The following PNPT1 variants were observed in gnomAD, a reference collection of about 807,000 sequenced individuals.
The protein encoded by PNPT1 is polyribonucleotide nucleotidyltransferase 1, mitochondrial.
PNPT1 carries 53 observed loss-of-function variants against 119.5 expected under a neutral mutation model. The observed-to-expected ratio is 0.44, with a 90% CI of 0.36 to 0.56. The LOEUF is 0.56. PNPT1 is among the 20% of genes least tolerant of loss of function. The probability of loss-of-function intolerance (pLI) is 0.00; values close to 1 mark genes in which losing one functional copy is unlikely to be tolerated. For missense variants in PNPT1, 948 were observed against 938.5 expected, an observed-to-expected ratio of 1.01 and a Z score of -0.13; for synonymous variants, 357 against 322.1, an observed-to-expected ratio of 1.11 and a Z score of -1.16.
intron 11 of PNPT1, among the ~76,000 whole-genome samples, chr2:55,670,368 AGT>A (rs763805092): frequency 1.1e-4 from 16 of 151,838 alleles, no homozygotes; most frequent in Non-Finnish European, 2.2e-4. Context: ...TTGTATTTTT[AGT>A]AGAGACAGGG....
At chr2:55,662,761 T>C (rs1696617089) in intron 13 of PNPT1, among the ~76,000 whole-genome samples, 1 of 152,094 alleles carries the variant, frequency 6.6e-6, no homozygotes, top group Admixed American at 6.6e-5. Flanking sequence ...AATGTATCAT[T>C]CACAACATCC....
At chr2:55,647,998 A>G (rs1219554587) in intron 18 of PNPT1, among the ~76,000 whole-genome samples, 2 of 152,200 alleles carry the variant, frequency 1.3e-5, no homozygotes, top group African/African-American at 4.8e-5. Flanking sequence ...AACAATAGCA[A>G]ACTTTATAAC....
rs909523712 is a variant in PNPT1 at position 55,639,245 on chromosome 2, C to A, written c.2148+1382G>T. On this transcript the variant is annotated intron_variant, in intron 26 of 27. Transcript: ENST00000447944. ...ATATATGAGGGTTTAGTGTATCATT[C>A]TTTCAACTTCTTTGTACATTAAAAA... Among the ~76,000 whole-genome samples the A allele has an allele frequency of 2.0e-5, 3 of 152,136 alleles. No homozygotes were observed. In the East Asian group the frequency reaches 5.8e-4, roughly 29 times the overall value.
intron 7 of PNPT1, 21 bp downstream of exon 7, chr2:55,680,691 T>C (rs1437476458): frequency 1.2e-6 from 2 of 1,602,546 alleles, no homozygotes; most frequent in African/African-American, 2.7e-5. Context: ...TATGATTTCT[T>C]ACTTTTAAAT....
chr2:55,679,588 C>T, intron 8 of PNPT1, 94 bp downstream of exon 8: 6 of 869,274 alleles, frequency 6.9e-6, no homozygotes, highest in Middle Eastern at 3.3e-4. Flanking sequence ...TTTATGGCTA[C>T]CGACAAAACA....
At chr2:55,647,325 T>C (rs1696034487) in intron 19 of PNPT1, 22 bp downstream of exon 19, 2 of 1,526,122 alleles carry the variant, frequency 1.3e-6, no homozygotes, top group Non-Finnish European at 1.8e-6. Flanking sequence ...TATTAAATAT[T>C]TGAAACCGAG....
At chr2:55,647,889 G>C (rs920893680) in intron 18 of PNPT1, among the ~76,000 whole-genome samples, 1 of 152,192 alleles carries the variant, frequency 6.6e-6, no homozygotes, top group Non-Finnish European at 1.5e-5. Flanking sequence ...TGAGTTGGAA[G>C]TCTTAAGAGG....
intron 8 of PNPT1, among the ~76,000 whole-genome samples, chr2:55,678,845 T>G (rs936673720): frequency 1.3e-5 from 2 of 152,210 alleles, no homozygotes; most frequent in African/African-American, 4.8e-5. Flanking sequence ...CATCACTGGC[T>G]AACAAACCAG....
At position 55,636,253 on chromosome 2, in the gene PNPT1, G is replaced by A. The variant is rs201880461; in HGVS notation, c.2336C>T (p.Ser779Leu). 1.1e-4 allele frequency: 174 copies of A among 1,608,412 alleles called. No individual in the cohort carries two copies. The highest frequency in any genetic ancestry group is 1.4e-4 in the Non-Finnish European group (168 of 1,176,882). The change falls in exon 28 of 28, where the codon TCA (serine) becomes TTA (leucine). Residue 779 changes from serine (S) to leucine (L), a missense_variant. By Grantham distance (145) the Ser-to-Leu change is moderately radical. Transcript: ENST00000447944. ...AAAAAAAAATCACTGAGAATTAGAT[G>A]ATGACTGTGAAATAGGTTCTCCCAT... ...IVMGEPISQS[S>L]SNSQ
chr2:55,652,708 C>G (rs999622396), intron 18 of PNPT1, among the ~76,000 whole-genome samples: 2 of 152,144 alleles, frequency 1.3e-5, no homozygotes, highest in African/African-American at 4.8e-5. Context: ...TATCATAAAC[C>G]GTAAAGCTGA....
Position 55,686,029 on chromosome 2 carries a change from C to G in PNPT1, c.297+341G>C, listed in dbSNP as rs535119576. On this transcript the variant is annotated intron_variant, in intron 3 of 27. Coordinates refer to ENST00000447944, the MANE Select transcript of PNPT1 (RefSeq NM_033109.5). ...GTTGGTTGAATCCATGGATGCAAAA[C>G]CCAAGGACATGGAGGGCTGACTGTA... is the stretch of plus-strand genomic sequence containing the variant. 2.6e-5 allele frequency among the ~76,000 whole-genome samples: 4 copies of G among 152,230 alleles called. No individual in the cohort carries two copies. The East Asian group carries it at 5.8e-4, about 22-fold the overall frequency.
chr2:55,690,572 A>G (rs1309931816), intron 1 of PNPT1, among the ~76,000 whole-genome samples: 4 of 152,256 alleles, frequency 2.6e-5, no homozygotes, highest in African/African-American at 9.6e-5. Context: ...AATGAAAAGC[A>G]TATTTATCTA....
chr2:55,638,635 C>G (rs1695750094), intron 26 of PNPT1, among the ~76,000 whole-genome samples: 1 of 152,088 alleles, frequency 6.6e-6, no homozygotes, highest in Non-Finnish European at 1.5e-5. Flanking sequence ...GGTGACAGAG[C>G]AAGACCCTGT....
At chr2:55,654,621 A>C (rs1696326223) in intron 18 of PNPT1, among the ~76,000 whole-genome samples, 1 of 152,254 alleles carries the variant, frequency 6.6e-6, no homozygotes, top group African/African-American at 2.4e-5. Context: ...TCTACTTTTC[A>C]GCCATCTTGC....
intron 5 of PNPT1, among the ~76,000 whole-genome samples, chr2:55,682,431 A>T (rs958758556): frequency 2.0e-5 from 3 of 152,044 alleles, no homozygotes; most frequent in Admixed American, 6.6e-5. Context: ...ATTGCACTCC[A>T]GCCTGGGTGA....
intron 10 of PNPT1, 59 bp downstream of exon 10, chr2:55,671,936 G>A: frequency 7.8e-7 from 1 of 1,289,036 alleles, no homozygotes; most frequent in Non-Finnish European, 1.1e-6. Context: ...AATTACATGA[G>A]TTATGACAAA....
chr2:55,654,805 G>T, intron 18 of PNPT1, 95 bp downstream of exon 18: 2 of 1,157,500 alleles, frequency 1.7e-6, no homozygotes, highest in Non-Finnish European at 2.5e-6. Context: ...TGAACTCCCA[G>T]CCTCAAGTGA....
At chr2:55,667,449 C>T (rs554910087) in intron 12 of PNPT1, among the ~76,000 whole-genome samples, 1 of 152,192 alleles carries the variant, frequency 6.6e-6, no homozygotes, top group Admixed American at 6.5e-5. Context: ...AAAAAATTAG[C>T]TGGGCATGGT....
intron 11 of PNPT1, 96 bp downstream of exon 11, chr2:55,671,222 TC>T (rs1696903365): frequency 1.7e-6 from 1 of 572,048 alleles, no homozygotes; most frequent in South Asian, 3.4e-5. Context: ...GTGATGCCTT[TC>T]CTCTTTGACC....
Sources: gnomAD v4.1 joint callset for allele counts (sites outside exome capture counted in the v4.1 genomes callset) on GRCh38, gnomAD v4.1.1 for gene constraint, MANE v1.5 for transcripts, NCBI Gene and HGNC (gene_info 2026-07-23, HGNC 2026-07-21) for gene names.